Variants in MRPS6 observed in about 807,000 individuals in gnomAD.
MRPS6 encodes small ribosomal subunit protein bS6m.
In MRPS6, 6 loss-of-function variants were observed where a neutral mutation model predicts 13.1. That is an observed-to-expected ratio of 0.46 (90% CI 0.25 to 0.91). The LOEUF (loss-of-function observed/expected upper bound fraction) is 0.91, where lower values mean the gene tolerates loss of function less well. Ranked by LOEUF, MRPS6 falls within the 40% of genes least tolerant of loss-of-function variation. MRPS6 has a pLI of 0.18. For synonymous variants in MRPS6, 61 were observed against 56.5 expected (o/e 1.08, Z -0.36); for missense variants, 164 against 155.6 (o/e 1.05, Z -0.29).
At position 34,098,003 on chromosome 21, in the gene MRPS6, T is replaced by C. The variant is rs544972530; in HGVS notation, c.45+24258T>C. On this transcript the variant is annotated intron_variant, in intron 1 of 2. Coordinates refer to ENST00000399312, the MANE Select transcript of MRPS6 (RefSeq NM_032476.4). ...CTTTGTTCCAGTTCCTTTTTTTTTTTCTTTCTACTTTCAAGTTTAAGTGAA... is the reference window on the plus strand; with the variant it reads ...CTTTGTTCCAGTTCCTTTTTTTTTTCCTTTCTACTTTCAAGTTTAAGTGAA... 102 of 998,342 alleles carry C rather than the reference T, an allele frequency of 1.0e-4. No homozygotes were observed. In the East Asian group the frequency reaches 5.4e-3, roughly 53 times the overall value. The allele number at this position is 998,342 out of a possible 1,614,324, so 61.8% of individuals were successfully genotyped here. A position where few individuals can be genotyped will look rare whatever the true frequency, so the allele number is the denominator to read the frequency against.
At chr21:34,074,610 AGTC>A (rs1267270961) in intron 1 of MRPS6, among the ~76,000 whole-genome samples, 2 of 152,128 alleles carry the variant, frequency 1.3e-5, no homozygotes, top group East Asian at 3.9e-4. Context: ...GTACTCCTCA[AGTC>A]GTCGCCGAAA....
At chr21:34,102,483 A>G in intron 1 of MRPS6, 1 of 1,000,174 alleles carries the variant, frequency 1.0e-6, no homozygotes. Context: ...CCATTGGCAT[A>G]TATAGTCTTT....
rs1979243664 is a variant in MRPS6, at chr21:34,101,669, T to C, written c.46-23672T>C. On this transcript the variant is annotated intron_variant, in intron 1 of 2. Transcript: ENST00000399312. Reference sequence around the variant, plus strand: ...TCAGCTTAGTTCACTTTAAGGCATATTGGCATGGTGTGTGAAAGTGATGTT... The same window carrying C: ...TCAGCTTAGTTCACTTTAAGGCATACTGGCATGGTGTGTGAAAGTGATGTT... The C allele has an allele frequency of 1.2e-5, 12 of 1,000,070 alleles. No homozygotes were observed. The South Asian group carries it at 5.6e-4, about 47-fold the overall frequency. The allele number at this position is 1,000,070 out of a possible 1,614,324, so 61.9% of individuals were successfully genotyped here. A position where few individuals can be genotyped will look rare whatever the true frequency, so the allele number is the denominator to read the frequency against.
intron 1 of MRPS6, chr21:34,099,627 A>T (rs1979142514): frequency 2.0e-6 from 2 of 998,932 alleles, no homozygotes; most frequent in African/African-American, 3.5e-5. Context: ...CCTTTATTTA[A>T]CATTGAGTCC....
chr21:34,100,902 A>C (rs1979207174), intron 1 of MRPS6: 3 of 1,000,172 alleles, frequency 3.0e-6, no homozygotes, highest in Non-Finnish European at 3.6e-6. Flanking sequence ...CTCAAAGGTT[A>C]GGTCTTCCCT....
intron 2 of MRPS6, among the ~76,000 whole-genome samples, chr21:34,140,894 GTATA>G (rs1980884586): frequency 6.6e-6 from 1 of 152,078 alleles, no homozygotes; most frequent in Non-Finnish European, 1.5e-5. Flanking sequence ...TTTTTGGTTG[GTATA>G]TATTTTTCTG....
At chr21:34,116,271 C>G (rs1282143149) in intron 1 of MRPS6, among the ~76,000 whole-genome samples, 2 of 149,242 alleles carry the variant, frequency 1.3e-5, no homozygotes, top group Admixed American at 6.7e-5. Flanking sequence ...TGGTCTCGAA[C>G]TCCTGGGCTC....
chr21:34,102,819 T>G, intron 1 of MRPS6: 2 of 1,000,192 alleles, frequency 2.0e-6, no homozygotes, highest in South Asian at 9.4e-5. Context: ...ACTGAAGCTT[T>G]TCCCCTCACT....
At chr21:34,107,017 T>C (rs1227933590) in intron 1 of MRPS6, among the ~76,000 whole-genome samples, 1 of 152,198 alleles carries the variant, frequency 6.6e-6, no homozygotes, top group African/African-American at 2.4e-5. Context: ...CTGCAGCCTC[T>C]GTCTCCTGAG....
chr21:34,097,790 T>C, intron 1 of MRPS6: 2 of 1,000,982 alleles, frequency 2.0e-6, no homozygotes, highest in African/African-American at 1.7e-5. Context: ...GAAAAACTTA[T>C]TTCTTAGACA....
chr21:34,130,363 G>A (rs1980460013), intron 2 of MRPS6, among the ~76,000 whole-genome samples: 1 of 152,208 alleles, frequency 6.6e-6, no homozygotes, highest in Non-Finnish European at 1.5e-5. Context: ...TCGGGGAAGG[G>A]CTGGCAGCAC....
At chr21:34,080,323 G>C (rs1194920939) in intron 1 of MRPS6, among the ~76,000 whole-genome samples, 1 of 152,188 alleles carries the variant, frequency 6.6e-6, no homozygotes, top group Non-Finnish European at 1.5e-5. Flanking sequence ...ATCCAAGGCT[G>C]TCTCAGTATG....
chr21:34,097,803 G>A lies in MRPS6; in HGVS notation c.45+24058G>A, dbSNP rs552522104. On this transcript the variant is annotated intron_variant, in intron 1 of 2. Coordinates refer to ENST00000399312, the MANE Select transcript of MRPS6 (RefSeq NM_032476.4). Reference sequence around the variant, plus strand: ...AAGAAAAACTTATTTCTTAGACATTGTACAATCAGTTATGTACTGAAAATC... The same window carrying A: ...AAGAAAAACTTATTTCTTAGACATTATACAATCAGTTATGTACTGAAAATC... 4.0e-6 allele frequency: 4 copies of A among 999,984 alleles called. No individual in the cohort carries two copies. In the African/African-American group the frequency reaches 7.0e-5, roughly 18 times the overall value. 61.9% of individuals were successfully genotyped at this position (999,984 alleles called of 1,614,324 possible). A position where few individuals can be genotyped will look rare whatever the true frequency, so the allele number is the denominator to read the frequency against.
rs1018110187 is a variant in MRPS6, at chr21:34,125,224, C to T, written c.46-117C>T. The T allele has an allele frequency of 3.5e-5, 50 of 1,436,912 alleles. No homozygotes were observed. The African/African-American group carries it at 7.0e-4, about 20-fold the overall frequency. The allele number at this position is 1,436,912 out of a possible 1,614,324, so 89.0% of individuals were successfully genotyped here. A position where few individuals can be genotyped will look rare whatever the true frequency, so the allele number is the denominator to read the frequency against. On this transcript the variant is annotated intron_variant, in intron 1 of 2. Coordinates refer to ENST00000399312, the MANE Select transcript of MRPS6 (RefSeq NM_032476.4). ...AAAACCAGCTTCTGTTGCTTTTACC[C>T]AGCGATTCCTACCAGTAGAGCTGTT... is the stretch of plus-strand genomic sequence containing the variant.
chr21:34,076,616 A>G (rs923778279), intron 1 of MRPS6, among the ~76,000 whole-genome samples: 6 of 152,238 alleles, frequency 3.9e-5, no homozygotes, highest in African/African-American at 7.2e-5. Flanking sequence ...AGTACCATAT[A>G]GCTTGATTTT....
chr21:34,126,523 C>T lies in MRPS6; in HGVS notation c.185+1043C>T, dbSNP rs576079721. ...AGAGAATGCCTGAGGCGTTGCTAGGCAACAGGAAATGCACAGTGGCTAGGC... is the reference window on the plus strand; with the variant it reads ...AGAGAATGCCTGAGGCGTTGCTAGGTAACAGGAAATGCACAGTGGCTAGGC... On this transcript the variant is annotated intron_variant, in intron 2 of 2. Transcript: ENST00000399312. Among the ~76,000 whole-genome samples, 13 of 152,326 alleles carry T rather than the reference C, an allele frequency of 8.5e-5. No individual in the cohort carries two copies. The South Asian group carries it at 2.7e-3, about 32-fold the overall frequency.
At chr21:34,107,313 A>G (rs950207103) in intron 1 of MRPS6, among the ~76,000 whole-genome samples, 2 of 152,152 alleles carry the variant, frequency 1.3e-5, no homozygotes, top group Admixed American at 6.5e-5. Context: ...TTCCCTCATG[A>G]TTAGATTCAC....
chr21:34,128,581 T>G (rs1980390000), intron 2 of MRPS6, among the ~76,000 whole-genome samples: 1 of 152,228 alleles, frequency 6.6e-6, no homozygotes, highest in Non-Finnish European at 1.5e-5. Context: ...TTTCAAATAT[T>G]AGTTTGGTCA....
At position 34,142,740 on chromosome 21, in the gene MRPS6, C is replaced by A; in HGVS notation, c.*140C>A. On this transcript the variant is annotated 3_prime_UTR_variant, in exon 3 of 3. Coordinates refer to ENST00000399312, the MANE Select transcript of MRPS6 (RefSeq NM_032476.4). ...TTGATTTTTCTAAGGTATTTTTAGCCCTTGATCCCCTTTGCTTGCGAGAGG... is the reference window on the plus strand; with the variant it reads ...TTGATTTTTCTAAGGTATTTTTAGCACTTGATCCCCTTTGCTTGCGAGAGG... 9.9e-7 allele frequency: 1 copy of A among 1,009,000 alleles called. No individual in the cohort carries two copies. The allele number at this position is 1,009,000 out of a possible 1,614,324, so 62.5% of individuals were successfully genotyped here.
Sources: gnomAD v4.1 joint callset for allele counts (sites outside exome capture counted in the v4.1 genomes callset) on GRCh38, gnomAD v4.1.1 for gene constraint, MANE v1.5 for transcripts, NCBI Gene and HGNC (gene_info 2026-07-23, HGNC 2026-07-21) for gene names.